EVL: variants seen among roughly 807,000 people sequenced by gnomAD.
EVL encodes the protein ena/VASP-like protein.
In EVL, 21 loss-of-function variants were observed where a neutral mutation model predicts 59.6. The ratio of observed to expected loss-of-function variants is 0.35; its 90% CI spans 0.25 to 0.51. EVL has a LOEUF of 0.51. Among genes scored for constraint, EVL ranks in the 20% least tolerant of loss-of-function variants. The pLI, the probability that EVL is intolerant of heterozygous loss-of-function variation, is 0.97. For synonymous variants in EVL, 198 were observed against 203.5 expected (o/e 0.97, Z 0.23); for missense variants, 462 against 546.6 (o/e 0.85, Z 1.54).
At chr14:100,141,298 G>T (rs373585245) in intron 12 of EVL, 52 bp downstream of exon 12, 1 of 1,598,176 alleles carries the variant, frequency 6.3e-7, no homozygotes, top group South Asian at 1.1e-5. Context: ...GCCAGCAGGC[G>T]GGGGACCGTC....
chr14:100,047,865 TG>T (rs1246233708), intron 1 of EVL, among the ~76,000 whole-genome samples: 1 of 152,136 alleles, frequency 6.6e-6, no homozygotes, highest in Non-Finnish European at 1.5e-5. Context: ...GTCCGTTCAG[TG>T]AGAAAGTATA....
At position 100,084,365 on chromosome 14, in the gene EVL, G is replaced by C. The variant is rs1377176196; in HGVS notation, c.12-322G>C. Among the ~76,000 whole-genome samples the C allele has an allele frequency of 2.0e-5, 3 of 152,156 alleles. No individual in the cohort carries two copies. In the East Asian group the frequency reaches 5.8e-4, roughly 29 times the overall value. On this transcript the variant is annotated intron_variant, in intron 1 of 13. Coordinates refer to ENST00000392920, the MANE Select transcript of EVL (RefSeq NM_016337.3). Reference sequence around the variant, plus strand: ...TGGCCACATTCTCTTGTTTAATACAGTACATGGAATGTTGTGAACAGTTGG... The same window carrying C: ...TGGCCACATTCTCTTGTTTAATACACTACATGGAATGTTGTGAACAGTTGG...
At chr14:99,996,439 A>G (rs2060914871) in intron 1 of EVL, among the ~76,000 whole-genome samples, 1 of 152,186 alleles carries the variant, frequency 6.6e-6, no homozygotes, top group African/African-American at 2.4e-5. Context: ...TATATAGTTC[A>G]TGAAATGTGA....
rs767115853 is a variant in EVL, at chr14:100,137,807, C to T, written c.1094+5C>T. On this transcript the variant is annotated splice_donor_5th_base_variant and intron_variant, in intron 11 of 13. Transcript: ENST00000392920. ...TCAGTCGCAGCCTCACTCTAGGTACCGAACAACCCTCCTGCTCACATGTCC... is the reference window on the plus strand; with the variant it reads ...TCAGTCGCAGCCTCACTCTAGGTACTGAACAACCCTCCTGCTCACATGTCC... The T allele has an allele frequency of 8.1e-6, 13 of 1,613,882 alleles. No individual in the cohort carries two copies. Among genetic ancestry groups the T allele is most frequent in the South Asian group, 2.2e-5 (2 of 91,088 alleles).
At chr14:100,077,519 C>A (rs899991785) in intron 1 of EVL, among the ~76,000 whole-genome samples, 1 of 152,174 alleles carries the variant, frequency 6.6e-6, no homozygotes, top group Non-Finnish European at 1.5e-5. Context: ...GGAGAGCCAT[C>A]GACATGGGAT....
chr14:100,031,259 G>A (rs1257877204), intron 1 of EVL, among the ~76,000 whole-genome samples: 3 of 152,184 alleles, frequency 2.0e-5, no homozygotes, highest in African/African-American at 7.2e-5. Context: ...CATGTGCACT[G>A]TTTAAAGTTC....
intron 1 of EVL, among the ~76,000 whole-genome samples, chr14:100,015,840 G>T (rs1056573174): frequency 1.3e-5 from 2 of 152,164 alleles, no homozygotes; most frequent in Admixed American, 1.3e-4. Flanking sequence ...GGAGGCCAAG[G>T]TGGGTAGATC....
chr14:100,071,392 A>G (rs1046663463), intron 1 of EVL, among the ~76,000 whole-genome samples: 1 of 152,212 alleles, frequency 6.6e-6, no homozygotes, highest in Non-Finnish European at 1.5e-5. Flanking sequence ...AACTGTATTT[A>G]TAATATTACT....
intron 11 of EVL, chr14:100,138,181 G>A (rs940568469): frequency 2.9e-5 from 9 of 310,810 alleles, no homozygotes; most frequent in African/African-American, 1.9e-4. Context: ...TGGTGGTGGG[G>A]ACAGCTGTGA....
intron 3 of EVL, 30 bp downstream of exon 3, chr14:100,097,688 T>A: frequency 6.4e-7 from 1 of 1,572,892 alleles, no homozygotes; most frequent in African/African-American, 1.4e-5. Flanking sequence ...GGCCTGATGC[T>A]GAGACCCTCT....
At chr14:100,084,949 C>A in intron 2 of EVL, 94 bp downstream of exon 2, 2 of 1,372,904 alleles carry the variant, frequency 1.5e-6, no homozygotes, top group South Asian at 1.3e-5. Flanking sequence ...GAGGTCAGAA[C>A]AAAAAGGTCA....
At chr14:100,137,697 C>T (rs765769767) in intron 10 of EVL, 43 bp from the exon 11 acceptor site, 7 of 1,613,516 alleles carry the variant, frequency 4.3e-6, no homozygotes, top group African/African-American at 4.0e-5. Flanking sequence ...CAGAGGCGGG[C>T]GCTGGCGCCG....
intron 1 of EVL, among the ~76,000 whole-genome samples, chr14:99,978,933 G>A (rs1351480183): frequency 6.6e-6 from 1 of 152,034 alleles, no homozygotes; most frequent in African/African-American, 2.4e-5. Context: ...ACTTATTTTA[G>A]CAAAAAAGTA....
chr14:100,043,233 A>ATG (rs1004991662), intron 1 of EVL, among the ~76,000 whole-genome samples: 28 of 150,894 alleles, frequency 1.9e-4, no homozygotes, highest in East Asian at 3.9e-4. Context: ...ATATATATGT[A>ATG]TGTGTGTGTG....
At chr14:100,038,689 C>T (rs1403730499) in intron 1 of EVL, among the ~76,000 whole-genome samples, 1 of 152,076 alleles carries the variant, frequency 6.6e-6, no homozygotes, top group Admixed American at 6.6e-5. Flanking sequence ...TCCCTCAACT[C>T]TTGGCAGAGG....
chr14:100,117,041 A>T (rs1566710496), intron 3 of EVL, among the ~76,000 whole-genome samples: 2 of 152,214 alleles, frequency 1.3e-5, no homozygotes, highest in Admixed American at 6.5e-5. Context: ...ACGGGGACCA[A>T]GGGAGGCCTG....
At chr14:100,054,537 A>G (rs1354905782) in intron 1 of EVL, among the ~76,000 whole-genome samples, 1 of 152,006 alleles carries the variant, frequency 6.6e-6, no homozygotes, top group Admixed American at 6.6e-5. Context: ...CCAAGCCAAT[A>G]TTTCCCCTGC....
At chr14:99,989,746 T>G (rs2060863484) in intron 1 of EVL, among the ~76,000 whole-genome samples, 1 of 152,234 alleles carries the variant, frequency 6.6e-6, no homozygotes, top group African/African-American at 2.4e-5. Flanking sequence ...TAATAGACAG[T>G]GCTGGTCTAA....
intron 1 of EVL, among the ~76,000 whole-genome samples, chr14:100,073,891 C>A (rs539954236): frequency 6.6e-6 from 1 of 152,002 alleles, no homozygotes; most frequent in Non-Finnish European, 1.5e-5. Context: ...CCCCTCAGTT[C>A]AGTGGCAAGT....
Sources: gnomAD v4.1 joint callset for allele counts (sites outside exome capture counted in the v4.1 genomes callset) on GRCh38, gnomAD v4.1.1 for gene constraint, MANE v1.5 for transcripts, NCBI Gene and HGNC (gene_info 2026-07-23, HGNC 2026-07-21) for gene names.